The following PARVB variants were observed in gnomAD, a reference collection of about 807,000 sequenced individuals.
PARVB encodes beta-parvin.
PARVB carries 46 observed loss-of-function variants against 47.0 expected under a neutral mutation model. The observed-to-expected ratio is 0.98, with a 90% confidence interval of 0.77 to 1.25. The LOEUF (loss-of-function observed/expected upper bound fraction) is 1.25. Among genes scored for constraint, PARVB ranks in the 50% most tolerant of loss-of-function variants. The probability of loss-of-function intolerance (pLI) is 0.00; values close to 1 mark genes in which losing one functional copy is unlikely to be tolerated. For synonymous variants in PARVB, 196 were observed against 196.3 expected (o/e 1.00, Z 0.01); for missense variants, 473 against 471.6 (o/e 1.00, Z -0.03).
At chr22:44,008,583 T>G (rs1266138157) in intron 2 of PARVB, among the ~76,000 whole-genome samples, 1 of 152,218 alleles carries the variant, frequency 6.6e-6, no homozygotes, top group Non-Finnish European at 1.5e-5. Flanking sequence ...TGGCTGACTT[T>G]GATAACACTC....
intron 12 of PARVB, among the ~76,000 whole-genome samples, chr22:44,164,633 C>A (rs1218130328): frequency 1.3e-5 from 2 of 152,146 alleles, no homozygotes; most frequent in Non-Finnish European, 2.9e-5. Flanking sequence ...CCATCAAAAC[C>A]TTTGCCATGC....
intron 3 of PARVB, among the ~76,000 whole-genome samples, chr22:44,100,763 C>T (rs1463130154): frequency 6.6e-6 from 1 of 152,150 alleles, no homozygotes; most frequent in East Asian, 1.9e-4. Context: ...GGACAGATTG[C>T]AGTTTTGGTT....
chr22:44,039,769 G>C, intron 1 of PARVB: 2 of 434,792 alleles, frequency 4.6e-6, no homozygotes, highest in Non-Finnish European at 9.2e-6. Context: ...CCACTATGCT[G>C]AGCAAACCAA....
intron 2 of PARVB, among the ~76,000 whole-genome samples, chr22:44,010,956 A>G (rs2050516075): frequency 6.7e-6 from 1 of 149,136 alleles, no homozygotes; most frequent in Non-Finnish European, 1.5e-5. Context: ...CAGTGGCGCA[A>G]TCTCAGCTCA....
At chr22:44,101,158 C>T (rs2052434371) in intron 3 of PARVB, among the ~76,000 whole-genome samples, 1 of 152,122 alleles carries the variant, frequency 6.6e-6, no homozygotes. Context: ...GCCTGTAATC[C>T]CAGCACTTTG....
At chr22:44,165,704 T>C (rs1426207388) in intron 12 of PARVB, among the ~76,000 whole-genome samples, 28 of 152,188 alleles carry the variant, frequency 1.8e-4, no homozygotes, top group Admixed American at 1.8e-3. Context: ...ACACAGGACT[T>C]GTCAGAGCCT....
chr22:44,132,964 C>T lies in PARVB; in HGVS notation c.588C>T (p.Pro196=). The T allele has an allele frequency of 1.9e-6, 3 of 1,614,128 alleles. No homozygotes were observed. The highest frequency in any genetic ancestry group is 2.5e-6 in the Non-Finnish European group (3 of 1,180,008). The part of the protein sequence containing the change: ...LVSLAMHFRA[P]IRLPEHVTVQ... ...CTCTGGCCATGCACTTCAGGGCCCC[C>T]ATCCGCCTTCCTGAGCATGTAACGG... The change falls in exon 6 of 13, where the codon CCC becomes CCT. Residue 196 remains proline (P), a synonymous_variant. Coordinates refer to ENST00000338758, the MANE Select transcript of PARVB (RefSeq NM_013327.5).
Position 44,029,046 on chromosome 22 carries a change from C to T in PARVB, c.112+4595C>T, listed in dbSNP as rs552128789. Among the ~76,000 whole-genome samples, 11 of 152,120 alleles carry T rather than the reference C, an allele frequency of 7.2e-5. No individual in the cohort carries two copies. The South Asian group carries it at 8.3e-4, about 11-fold the overall frequency. On this transcript the variant is annotated intron_variant, in intron 1 of 12. Transcript: ENST00000338758. ...TAGCCCAGGCTGGAGTGCAGTGGCA[C>T]GATCCTGGCTCACTGCAGCCTCAAT...
chr22:44,162,072 C>T (rs1453765053), intron 11 of PARVB, among the ~76,000 whole-genome samples: 2 of 152,224 alleles, frequency 1.3e-5, no homozygotes, highest in East Asian at 3.8e-4. Flanking sequence ...TATGACTAGC[C>T]AGACCCTCTT....
chr22:44,113,612 C>T (rs28757877), intron 3 of PARVB: 3 of 31,000 alleles, frequency 9.7e-5, no homozygotes, highest in Admixed American at 9.3e-4. Context: ...TTGTTACTAA[C>T]TAAGGCCCTG....
intron 2 of PARVB, among the ~76,000 whole-genome samples, chr22:44,007,565 A>T (rs189041781): frequency 7.9e-5 from 12 of 152,230 alleles, no homozygotes; most frequent in African/African-American, 2.9e-4. Flanking sequence ...CCTCTTCTCC[A>T]CGAGAAAGTT....
At chr22:44,032,058 G>T (rs1226656912) in intron 1 of PARVB, among the ~76,000 whole-genome samples, 1 of 152,148 alleles carries the variant, frequency 6.6e-6, no homozygotes, top group Non-Finnish European at 1.5e-5. Context: ...AAGCTTTGGA[G>T]GATATTATAA....
intron 4 of PARVB, among the ~76,000 whole-genome samples, chr22:44,124,350 T>C (rs2053139708): frequency 6.6e-6 from 1 of 152,170 alleles, no homozygotes; most frequent in African/African-American, 2.4e-5. Flanking sequence ...CTCTTAAAGG[T>C]CAGCATGAGA....
chr22:44,120,497 C>A (rs1030088121), intron 4 of PARVB, among the ~76,000 whole-genome samples: 2 of 152,076 alleles, frequency 1.3e-5, no homozygotes, highest in African/African-American at 4.8e-5. Flanking sequence ...CATGTTTCTG[C>A]TGAGAGTGTG....
intron 3 of PARVB, chr22:44,115,073 A>T (rs1175025607): frequency 5.7e-5 from 5 of 88,036 alleles, no homozygotes; most frequent in East Asian, 4.6e-4. Flanking sequence ...ACACAGATAC[A>T]TTGTTACTAA....
intron 2 of PARVB, chr22:43,999,701 A>G: frequency 6.4e-7 from 1 of 1,557,818 alleles, no homozygotes; most frequent in African/African-American, 1.4e-5. Context: ...AACTGTCAGA[A>G]AGTGGATGAG....
At chr22:44,138,049 C>T (rs1250209411) in intron 7 of PARVB, among the ~76,000 whole-genome samples, 1 of 152,136 alleles carries the variant, frequency 6.6e-6, no homozygotes, top group Non-Finnish European at 1.5e-5. Flanking sequence ...GGTCCAGAGA[C>T]AGAGAATGAG....
Position 44,140,165 on chromosome 22 carries a change from G to A in PARVB, c.712+22G>A, listed in dbSNP as rs184584708. ...TTCGGTAAGTAACCCCAGGGAAAGT[G>A]GGGAGATGGAGGCATGTTAGGGCTC... On this transcript the variant is annotated intron_variant, in intron 8 of 12. Transcript: ENST00000338758. 360 of 1,613,728 alleles carry A rather than the reference G, an allele frequency of 2.2e-4. No individual in the cohort carries two copies. The African/African-American group carries it at 4.3e-3, about 19-fold the overall frequency.
intron 1 of PARVB, among the ~76,000 whole-genome samples, chr22:44,088,302 G>A (rs2052080980): frequency 6.6e-6 from 1 of 152,172 alleles, no homozygotes; most frequent in African/African-American, 2.4e-5. Context: ...ACACCCAGGA[G>A]GGCTTCTTGG....
Sources: gnomAD v4.1 joint callset for allele counts (sites outside exome capture counted in the v4.1 genomes callset) on GRCh38, gnomAD v4.1.1 for gene constraint, MANE v1.5 for transcripts, NCBI Gene and HGNC (gene_info 2026-07-23, HGNC 2026-07-21) for gene names.